PIK3AP1: variants seen among roughly 807,000 people sequenced by gnomAD.
PIK3AP1 encodes phosphoinositide 3-kinase adapter protein 1.
PIK3AP1 carries 21 observed loss-of-function variants against 88.1 expected under a neutral mutation model. The observed-to-expected ratio is 0.24, with a 90% CI of 0.17 to 0.34. The LOEUF (loss-of-function observed/expected upper bound fraction) is 0.34, where lower values mean the gene tolerates loss of function less well. PIK3AP1 is among the 10% of genes least tolerant of loss of function. PIK3AP1 has a pLI of 1.00. For missense variants in PIK3AP1, 828 were observed against 1,035.7 expected, an observed-to-expected ratio of 0.80 and a Z score of 2.75; for synonymous variants, 398 against 400.0, an observed-to-expected ratio of 1.00 and a Z score of 0.06.
At chr10:96,650,346 A>G (rs1456057027) in intron 6 of PIK3AP1, among the ~76,000 whole-genome samples, 1 of 152,198 alleles carries the variant, frequency 6.6e-6, no homozygotes, top group Admixed American at 6.5e-5. Context: ...GGCATGAAGG[A>G]ACGGTGGTGT....
intron 11 of PIK3AP1, 38 bp from the exon 12 acceptor site, chr10:96,620,595 C>T (rs377272966): frequency 3.2e-6 from 5 of 1,574,442 alleles, no homozygotes; most frequent in Admixed American, 3.4e-5. Flanking sequence ...ACAGCTCCCC[C>T]ACTGGGGACC....
intron 2 of PIK3AP1, among the ~76,000 whole-genome samples, chr10:96,708,541 C>T (rs533257018): frequency 1.5e-5 from 2 of 136,316 alleles, no homozygotes; most frequent in Non-Finnish European, 3.1e-5. Flanking sequence ...CACCACTGCA[C>T]TCCAACCTGG....
At chr10:96,632,130 G>T (rs2902004) in intron 8 of PIK3AP1, among the ~76,000 whole-genome samples, 69,702 of 152,048 alleles carry the variant, frequency 0.46, 18,508 homozygotes, top group East Asian at 0.76. Flanking sequence ...AAAGACTGAG[G>T]AACTGCTGCA....
chr10:96,613,501 G>A (rs574945898), intron 13 of PIK3AP1, among the ~76,000 whole-genome samples: 70 of 152,254 alleles, frequency 4.6e-4, no homozygotes, highest in African/African-American at 1.5e-3. Flanking sequence ...ATTGATTAAA[G>A]CCCCTGATAT....
chr10:96,670,621 G>A (rs1843833143), intron 2 of PIK3AP1, among the ~76,000 whole-genome samples: 1 of 152,216 alleles, frequency 6.6e-6, no homozygotes, highest in African/African-American at 2.4e-5. Flanking sequence ...GAGGGGAAGG[G>A]AGTTTGGGTG....
At chr10:96,682,011 T>G (rs201987732) in intron 2 of PIK3AP1, among the ~76,000 whole-genome samples, 2,701 of 130,902 alleles carry the variant, frequency 0.021, 22 homozygotes, top group East Asian at 0.034. Context: ...TATATATATA[T>G]ATAGAGAGAG....
chr10:96,682,029 G>C (rs1258067863), intron 2 of PIK3AP1, among the ~76,000 whole-genome samples: 4 of 151,684 alleles, frequency 2.6e-5, no homozygotes, highest in Non-Finnish European at 2.9e-5. Context: ...GAGAGAGAGA[G>C]AGAGAGAAAC....
intron 11 of PIK3AP1, among the ~76,000 whole-genome samples, chr10:96,621,874 T>G (rs570328090): frequency 1.3e-5 from 2 of 152,348 alleles, no homozygotes; most frequent in South Asian, 4.1e-4. Flanking sequence ...TTCTACCCAT[T>G]AAATGCTAGC....
intron 1 of PIK3AP1, among the ~76,000 whole-genome samples, chr10:96,710,611 T>C (rs919770001): frequency 1.3e-5 from 2 of 151,954 alleles, no homozygotes; most frequent in South Asian, 4.1e-4. Context: ...ATCATAACAA[T>C]AATAACAATA....
At chr10:96,646,954 G>A (rs1333470184) in intron 7 of PIK3AP1, among the ~76,000 whole-genome samples, 4 of 152,044 alleles carry the variant, frequency 2.6e-5, no homozygotes, top group Non-Finnish European at 2.9e-5. Flanking sequence ...TTGACACTTC[G>A]TTAGTTTCCT....
rs891212574 is a variant in PIK3AP1 at position 96,658,754 on chromosome 10, G to T, written c.431-1820C>A. On this transcript the variant is annotated intron_variant, in intron 2 of 16. Transcript: ENST00000339364. The stretch of plus-strand genomic sequence containing the variant: ...CAAGACATGCTACTCCAGAATGCCT[G>T]TTTGAATGCTGCCAGATCTTTGTCC... 4.6e-5 allele frequency among the ~76,000 whole-genome samples: 7 copies of T among 152,144 alleles called. 1 individual carries two copies. The highest frequency in any genetic ancestry group is 1.7e-4 in the African/African-American group (7 of 41,520).
intron 2 of PIK3AP1, among the ~76,000 whole-genome samples, chr10:96,665,852 G>A (rs1394902097): frequency 6.6e-6 from 1 of 152,262 alleles, no homozygotes; most frequent in Admixed American, 6.5e-5. Context: ...TTTAAATAGA[G>A]AAATGTGGTG....
chr10:96,701,569 A>T (rs1844298593), intron 2 of PIK3AP1, among the ~76,000 whole-genome samples: 1 of 152,220 alleles, frequency 6.6e-6, no homozygotes, highest in South Asian at 2.1e-4. Flanking sequence ...CCCTGAGGGG[A>T]GGAGGGTACA....
chr10:96,663,446 A>G (rs1189294830), intron 2 of PIK3AP1, among the ~76,000 whole-genome samples: 1 of 151,906 alleles, frequency 6.6e-6, no homozygotes, highest in Non-Finnish European at 1.5e-5. Flanking sequence ...CCTGGCCAAC[A>G]TGGTGAAACT....
At chr10:96,705,207 G>A (rs1418417299) in intron 2 of PIK3AP1, among the ~76,000 whole-genome samples, 1 of 152,134 alleles carries the variant, frequency 6.6e-6, no homozygotes, top group East Asian at 1.9e-4. Context: ...CTTCAGTTGG[G>A]AGTCAAAAAC....
chr10:96,624,654 C>A (rs1033154862), intron 10 of PIK3AP1, among the ~76,000 whole-genome samples: 1 of 81,794 alleles, frequency 1.2e-5, no homozygotes, highest in East Asian at 3.9e-4. Context: ...ACAGCAAGAC[C>A]CTGTCTCAAA....
At chr10:96,646,567 G>A (rs1329180822) in intron 7 of PIK3AP1, among the ~76,000 whole-genome samples, 1 of 152,136 alleles carries the variant, frequency 6.6e-6, no homozygotes, top group African/African-American at 2.4e-5. Context: ...CAGGAATGCA[G>A]CTAAGGTGTT....
intron 1 of PIK3AP1, among the ~76,000 whole-genome samples, chr10:96,714,375 T>A (rs1349937997): frequency 6.6e-6 from 1 of 152,246 alleles, no homozygotes; most frequent in Non-Finnish European, 1.5e-5. Context: ...GTTGAAGATT[T>A]ACTGCTGCTG....
chr10:96,667,276 G>A (rs1843777040), intron 2 of PIK3AP1, among the ~76,000 whole-genome samples: 1 of 152,200 alleles, frequency 6.6e-6, no homozygotes, highest in Admixed American at 6.5e-5. Flanking sequence ...TCTGGAAGGG[G>A]TGTGGAAAAG....
Sources: allele counts gnomAD v4.1 joint callset (sites outside exome capture counted in the v4.1 genomes callset), GRCh38; gene constraint gnomAD v4.1.1; transcripts MANE v1.5; gene names NCBI Gene and HGNC (gene_info 2026-07-23, HGNC 2026-07-21).